The following RPA1 variants were observed in gnomAD, a reference collection of about 807,000 sequenced individuals.
The protein encoded by RPA1 is replication protein A1, also known as replication protein A 70 kDa DNA-binding subunit.
A neutral mutation model predicts 83.0 loss-of-function variants in RPA1; 49 were observed. That is an observed-to-expected ratio of 0.59 (90% CI 0.47 to 0.75). RPA1 has a LOEUF of 0.75. Among genes scored for constraint, RPA1 ranks in the 30% least tolerant of loss-of-function variants. The probability of loss-of-function intolerance (pLI) is 0.00; values close to 1 mark genes in which losing one functional copy is unlikely to be tolerated. For missense variants in RPA1, 693 were observed against 776.1 expected, an observed-to-expected ratio of 0.89 and a Z score of 1.27; for synonymous variants, 279 against 281.8, an observed-to-expected ratio of 0.99 and a Z score of 0.10.
rs1368279932 is a variant in RPA1, at chr17:1,888,701, A to G, written c.1401A>G (p.Thr467=). The G allele has an allele frequency of 6.2e-7, 1 of 1,614,014 alleles. No individual in the cohort carries two copies. Among genetic ancestry groups the G allele is most frequent in the Non-Finnish European group, 8.5e-7 (1 of 1,179,920 alleles). Residue 467 remains threonine, a synonymous_variant, in exon 14 of 17, where the codon ACA becomes ACG. Coordinates refer to ENST00000254719, the MANE Select transcript of RPA1 (RefSeq NM_002945.5). Reference sequence around the variant, plus strand: ...CGGACTACTTTAGTTCTGTGGCCACAGTGGTGTATCTTCGCAAAGAGAACT... The same window carrying G: ...CGGACTACTTTAGTTCTGTGGCCACGGTGGTGTATCTTCGCAAAGAGAACT... ...DKPDYFSSVA[T]VVYLRKENCM...
At chr17:1,873,298 T>G (rs530819634) in intron 6 of RPA1, among the ~76,000 whole-genome samples, 23 of 152,346 alleles carry the variant, frequency 1.5e-4, no homozygotes, top group African/African-American at 5.5e-4. Flanking sequence ...TTTACTTTTC[T>G]CTGCAGCAGG....
At chr17:1,846,185 TG>T (rs994710206) in intron 4 of RPA1, among the ~76,000 whole-genome samples, 5 of 152,144 alleles carry the variant, frequency 3.3e-5, no homozygotes, top group Admixed American at 2.6e-4. Flanking sequence ...AATGACCACT[TG>T]CCTGGCTGTC....
chr17:1,890,741 C>T (rs1457895989), intron 14 of RPA1, among the ~76,000 whole-genome samples: 2 of 152,176 alleles, frequency 1.3e-5, no homozygotes, highest in Non-Finnish European at 1.5e-5. Context: ...CGTTTAGGCT[C>T]ATTTTTTGTA....
chr17:1,890,534 G>C (rs1231473896), intron 14 of RPA1, among the ~76,000 whole-genome samples: 1 of 151,470 alleles, frequency 6.6e-6, no homozygotes, highest in Non-Finnish European at 1.5e-5. Flanking sequence ...GTGGTGGCGG[G>C]CACCTGCAGT....
chr17:1,858,906 T>A (rs1912827583), intron 5 of RPA1, among the ~76,000 whole-genome samples: 3 of 81,314 alleles, frequency 3.7e-5, no homozygotes, highest in African/African-American at 1.2e-4. Context: ...TTTATTTTAT[T>A]TTTTTTTTTT....
In RPA1 at chr17:1,830,076, A is replaced by G. The variant is rs891653232; in HGVS notation, c.-18A>G. On this transcript the variant is annotated 5_prime_UTR_variant, in exon 1 of 17. Transcript: ENST00000254719. The stretch of plus-strand genomic sequence containing the variant: ...GGAGCTGTTGCGGGGTCCGCGGGGA[A>G]GTCTTGGCGGTGGAGCCATGGTCGG... 1.2e-5 allele frequency: 15 copies of G among 1,249,610 alleles called. No individual in the cohort carries two copies. Among genetic ancestry groups the G allele is most frequent in the African/African-American group, 1.1e-4 (7 of 64,524 alleles). 77.4% of individuals were successfully genotyped at this position (1,249,610 alleles called of 1,614,324 possible). A position where few individuals can be genotyped will look rare whatever the true frequency, so the allele number is the denominator to read the frequency against.
intron 13 of RPA1, among the ~76,000 whole-genome samples, chr17:1,887,355 C>A (rs1051660651): frequency 6.6e-6 from 1 of 151,428 alleles, no homozygotes; most frequent in Non-Finnish European, 1.5e-5. Flanking sequence ...GTCAGGAGAT[C>A]GAGACCATCC....
chr17:1,856,939 T>C (rs1003440628), intron 5 of RPA1, among the ~76,000 whole-genome samples: 1 of 152,036 alleles, frequency 6.6e-6, no homozygotes, highest in Non-Finnish European at 1.5e-5. Flanking sequence ...TTTTCTCTTA[T>C]GTTTTGTATT....
intron 16 of RPA1, among the ~76,000 whole-genome samples, chr17:1,896,270 C>T (rs972311936): frequency 6.6e-6 from 1 of 152,264 alleles, no homozygotes; most frequent in South Asian, 2.1e-4. Flanking sequence ...GATTTAGTAC[C>T]GACCAAGCAC....
At chr17:1,857,506 G>A (rs1357920063) in intron 5 of RPA1, among the ~76,000 whole-genome samples, 1 of 150,926 alleles carries the variant, frequency 6.6e-6, no homozygotes, top group Non-Finnish European at 1.5e-5. Flanking sequence ...CCTCTAGCTG[G>A]GACAGACTAA....
chr17:1,842,902 C>T lies in RPA1; in HGVS notation c.84+49C>T, dbSNP rs779227070. 8.9e-6 allele frequency: 14 copies of T among 1,579,940 alleles called. No individual in the cohort carries two copies. The East Asian group carries it at 1.3e-4, about 15-fold the overall frequency. On this transcript the variant is annotated intron_variant, in intron 2 of 16. Coordinates refer to ENST00000254719, the MANE Select transcript of RPA1 (RefSeq NM_002945.5). ...TCCATGTCAACTTCTTTGGAGTCAT[C>T]GAATTACAAGTTACGTTTGATGAAG...
At chr17:1,890,721 G>A (rs1174248140) in intron 14 of RPA1, among the ~76,000 whole-genome samples, 5 of 152,174 alleles carry the variant, frequency 3.3e-5, no homozygotes, top group Admixed American at 1.3e-4. Flanking sequence ...AGCTTAGCAG[G>A]ACAGTTCTAC....
chr17:1,880,648 A>G lies in RPA1; in HGVS notation c.1198A>G (p.Ile400Val), dbSNP rs145496665. 2 of 1,613,866 alleles carry G rather than the reference A, an allele frequency of 1.2e-6. No homozygotes were observed. Among genetic ancestry groups the G allele is most frequent in the African/African-American group, 1.3e-5 (1 of 74,898 alleles). The part of the protein sequence containing the change: ...SLSVLSSSTI[I>V]ANPDIPEAYK... ...CTCCGTGCTGTCTTCAAGCACTATC[A>G]TTGCGAATCCTGACATCCCAGAGGC... is the stretch of plus-strand genomic sequence containing the variant. The change falls in exon 12 of 17, where the codon ATT becomes GTT. Residue 400 changes from isoleucine (I) to valine (V), a missense_variant. Transcript: ENST00000254719.
At chr17:1,846,055 G>C (rs111271276) in intron 4 of RPA1, among the ~76,000 whole-genome samples, 10 of 152,100 alleles carry the variant, frequency 6.6e-5, no homozygotes, top group Non-Finnish European at 1.0e-4. Context: ...ATTTTCTCCA[G>C]CTGTTCTTTT....
intron 5 of RPA1, among the ~76,000 whole-genome samples, chr17:1,862,005 T>A (rs1278321603): frequency 6.6e-6 from 1 of 151,780 alleles, no homozygotes; most frequent in Non-Finnish European, 1.5e-5. Context: ...ATTCACGCCA[T>A]TCTCCTGCTT....
rs75213191 is a variant in RPA1 at position 1,868,248 on chromosome 17, C to G, written c.362-4186C>G. On this transcript the variant is annotated intron_variant, in intron 5 of 16. Coordinates refer to ENST00000254719, the MANE Select transcript of RPA1 (RefSeq NM_002945.5). Reference sequence around the variant, plus strand: ...CTCTCGAATTTCGTTGTAACCAGATCAGTGAGCCAGTGCGGAAATAGCTTT... The same window carrying G: ...CTCTCGAATTTCGTTGTAACCAGATGAGTGAGCCAGTGCGGAAATAGCTTT... Among the ~76,000 whole-genome samples the G allele has an allele frequency of 2.9e-3, 447 of 152,342 alleles. 3 individuals carry two copies. The highest frequency in any genetic ancestry group is 0.01 in the African/African-American group (418 of 41,576).
chr17:1,848,047 T>C (rs191807908), intron 4 of RPA1, among the ~76,000 whole-genome samples: 2 of 152,070 alleles, frequency 1.3e-5, no homozygotes, highest in Admixed American at 6.5e-5. Context: ...GACAAATCCA[T>C]AGAAACAAAT....
intron 4 of RPA1, among the ~76,000 whole-genome samples, chr17:1,851,087 C>T (rs1367121528): frequency 2.6e-5 from 4 of 152,138 alleles, no homozygotes; most frequent in Non-Finnish European, 4.4e-5. Context: ...ATCCTTTCAA[C>T]GTCCACTATC....
intron 8 of RPA1, 78 bp downstream of exon 8, chr17:1,877,392 G>C: frequency 8.0e-7 from 1 of 1,256,594 alleles, no homozygotes; most frequent in East Asian, 2.5e-5. Context: ...GGAGGGCAGT[G>C]GGCTCGCTGG....
Sources: allele counts gnomAD v4.1 joint callset (sites outside exome capture counted in the v4.1 genomes callset), GRCh38; gene constraint gnomAD v4.1.1; transcripts MANE v1.5; gene names NCBI Gene and HGNC (gene_info 2026-07-23, HGNC 2026-07-21).